Variants in VAT1 observed in about 807,000 individuals in gnomAD.
VAT1 encodes NADPH-dependent quinone oxidoreductase VAT1.
Under a neutral mutation model 33.3 loss-of-function variants are expected in VAT1, and 24 were observed. The observed-to-expected ratio is 0.72, with a 90% CI of 0.52 to 1.01. The LOEUF (loss-of-function observed/expected upper bound fraction) is 1.01. Among genes scored for constraint, VAT1 ranks in the 50% least tolerant of loss-of-function variants. The pLI is 0.00. For synonymous variants in VAT1, 212 were observed against 225.0 expected (o/e 0.94, Z 0.52); for missense variants, 436 against 533.7 (o/e 0.82, Z 1.80).
chr17:43,022,381 G>T lies in VAT1; in HGVS notation c.-59C>A. The T allele has an allele frequency of 1.4e-6, 2 of 1,451,446 alleles. No homozygotes were observed. The highest frequency in any genetic ancestry group is 1.8e-6 in the Non-Finnish European group (2 of 1,104,250). The allele number at this position is 1,451,446 out of a possible 1,614,324, so 89.9% of individuals were successfully genotyped here. On this transcript the variant is annotated 5_prime_UTR_variant, in exon 1 of 6. Transcript: ENST00000355653. ...TGGAGAGTGCACAGCTGGGGAAGGCGGAACGCGTCGGGAAGAGCCGCGGCT... is the reference window on the plus strand; with the variant it reads ...TGGAGAGTGCACAGCTGGGGAAGGCTGAACGCGTCGGGAAGAGCCGCGGCT...
intron 4 of VAT1, among the ~76,000 whole-genome samples, chr17:43,017,443 C>T (rs2050529560): frequency 6.6e-6 from 1 of 151,502 alleles, no homozygotes; most frequent in Non-Finnish European, 1.5e-5. Flanking sequence ...ATTAGTTGGG[C>T]GTGGTGGCAG....
intron 4 of VAT1, 34 bp from the exon 5 acceptor site, chr17:43,016,582 C>A: frequency 1.9e-6 from 3 of 1,606,548 alleles, no homozygotes; most frequent in Non-Finnish European, 2.6e-6. Flanking sequence ...TGTGAACCCC[C>A]CCAGGCACAT....
intron 1 of VAT1, chr17:43,020,071 G>A (rs1028445571): frequency 1.0e-6 from 1 of 981,772 alleles, no homozygotes; most frequent in African/African-American, 1.7e-5. Context: ...ACCCAGGAGA[G>A]CTGCGAGGAG....
intron 1 of VAT1, among the ~76,000 whole-genome samples, chr17:43,020,999 G>A (rs1295102487): frequency 6.6e-6 from 1 of 152,054 alleles, no homozygotes; most frequent in African/African-American, 2.4e-5. Context: ...GTCCAGGGTT[G>A]TGGCCAAGAT....
At chr17:43,018,328 G>A in intron 2 of VAT1, 122 bp from the exon 3 acceptor site, 2 of 1,226,912 alleles carry the variant, frequency 1.6e-6, no homozygotes, top group Non-Finnish European at 2.3e-6. Context: ...TTAGGGCCGT[G>A]TCTAATTTCC....
chr17:43,020,465 C>A (rs192575099), intron 1 of VAT1, among the ~76,000 whole-genome samples: 3 of 152,222 alleles, frequency 2.0e-5, no homozygotes, highest in Admixed American at 6.5e-5. Flanking sequence ...CAGAGGAAAG[C>A]CTTAAGGAGA....
At chr17:43,021,385 G>A (rs1185295476) in intron 1 of VAT1, among the ~76,000 whole-genome samples, 3 of 152,120 alleles carry the variant, frequency 2.0e-5, no homozygotes, top group African/African-American at 7.2e-5. Context: ...GGCGTGTCTC[G>A]TCTCTTTGGC....
chr17:43,020,617 T>C (rs186230634), intron 1 of VAT1, among the ~76,000 whole-genome samples: 41 of 152,042 alleles, frequency 2.7e-4, no homozygotes, highest in African/African-American at 8.9e-4. Flanking sequence ...GTGGCTTATG[T>C]CTGTAACCCC....
chr17:43,016,184 A>C (rs779869599), intron 5 of VAT1, 40 bp from the exon 6 acceptor site: 2 of 1,613,586 alleles, frequency 1.2e-6, no homozygotes, highest in Non-Finnish European at 1.7e-6. Flanking sequence ...GTGCTATCCA[A>C]CCCTCATCCA....
intron 1 of VAT1, among the ~76,000 whole-genome samples, chr17:43,020,653 A>G (rs2050558653): frequency 6.6e-6 from 1 of 152,096 alleles, no homozygotes; most frequent in Non-Finnish European, 1.5e-5. Context: ...CGAGGTGGGC[A>G]GATCACCTGA....
chr17:43,020,624 C>T (rs970325806), intron 1 of VAT1, among the ~76,000 whole-genome samples: 6 of 152,112 alleles, frequency 3.9e-5, no homozygotes, highest in Admixed American at 1.3e-4. Context: ...ATGTCTGTAA[C>T]CCCAGCACTT....
chr17:43,018,828 C>T (rs928788993), intron 1 of VAT1, 29 bp from the exon 2 acceptor site: 3 of 1,612,586 alleles, frequency 1.9e-6, no homozygotes, highest in Non-Finnish European at 2.5e-6. Flanking sequence ...ATCATTCAGT[C>T]ACTCATTCAT....
chr17:43,018,914 G>C, intron 1 of VAT1, 115 bp from the exon 2 acceptor site: 2 of 927,926 alleles, frequency 2.2e-6, no homozygotes, highest in South Asian at 1.6e-5. Context: ...AGGAGAAGCA[G>C]CAATAGTCAT....
chr17:43,020,675 C>T (rs557705879), intron 1 of VAT1, among the ~76,000 whole-genome samples: 42 of 152,020 alleles, frequency 2.8e-4, no homozygotes, highest in African/African-American at 9.6e-4. Context: ...GTCGGGAGTT[C>T]GAGACCAGAC....
chr17:43,021,632 G>A (rs1199055923), intron 1 of VAT1, among the ~76,000 whole-genome samples: 2 of 148,612 alleles, frequency 1.3e-5, no homozygotes, highest in African/African-American at 2.5e-5. Context: ...GGGTGGGGAC[G>A]GTAGTGTGGT....
At chr17:43,020,553 T>TG (rs941608764) in intron 1 of VAT1, among the ~76,000 whole-genome samples, 2 of 152,016 alleles carry the variant, frequency 1.3e-5, no homozygotes, top group Admixed American at 6.6e-5. Flanking sequence ...GCTGCATCTG[T>TG]GGGGCCTCTC....
At chr17:43,018,979 C>G in intron 1 of VAT1, 180 bp from the exon 2 acceptor site, 1 of 682,982 alleles carries the variant, frequency 1.5e-6, no homozygotes. Context: ...CTCACCTTTA[C>G]TGAGTGCTGA....
Position 43,021,853 on chromosome 17 carries a change from G to C in VAT1, c.387+83C>G. ...GGTCCGCGCCAGTTTCTCCCGCCCT[G>C]CCACACCCCCGGCGCTCGCCCACTC... On this transcript the variant is annotated intron_variant, in intron 1 of 5. Coordinates refer to ENST00000355653, the MANE Select transcript of VAT1 (RefSeq NM_006373.4). 3 of 1,546,080 alleles carry C rather than the reference G, an allele frequency of 1.9e-6. No individual in the cohort carries two copies. In the South Asian group the frequency reaches 3.6e-5, roughly 18 times the overall value.
At chr17:43,020,691 G>A (rs1450409891) in intron 1 of VAT1, among the ~76,000 whole-genome samples, 2 of 151,862 alleles carry the variant, frequency 1.3e-5, no homozygotes, top group Non-Finnish European at 2.9e-5. Flanking sequence ...CAGACTGACC[G>A]ACATGGAGAA....
Sources: gnomAD v4.1 joint callset for allele counts (sites outside exome capture counted in the v4.1 genomes callset) on GRCh38, gnomAD v4.1.1 for gene constraint, MANE v1.5 for transcripts, NCBI Gene and HGNC (gene_info 2026-07-23, HGNC 2026-07-21) for gene names.